The following TEX2 variants were observed in gnomAD, a reference collection of about 807,000 sequenced individuals.
TEX2 encodes testis-expressed protein 2.
Under a neutral mutation model 106.9 loss-of-function variants are expected in TEX2, and 53 were observed. The observed-to-expected ratio is 0.50, with a 90% CI of 0.40 to 0.62. The LOEUF (loss-of-function observed/expected upper bound fraction) is 0.62. Ranked by LOEUF, TEX2 falls within the 20% of genes least tolerant of loss-of-function variation. The probability of loss-of-function intolerance (pLI) is 0.00; values close to 1 mark genes in which losing one functional copy is unlikely to be tolerated. For synonymous variants in TEX2, 523 were observed against 534.8 expected (o/e 0.98, Z 0.30); for missense variants, 1,207 against 1,379.0 (o/e 0.88, Z 1.98).
At chr17:64,188,068 G>A in intron 5 of TEX2, 100 bp downstream of exon 5, 1 of 1,394,498 alleles carries the variant, frequency 7.2e-7, no homozygotes, top group Non-Finnish European at 9.8e-7. Flanking sequence ...GTGTACCACT[G>A]TTATCCCAGT....
intron 1 of TEX2, among the ~76,000 whole-genome samples, chr17:64,232,848 T>C (rs2033687499): frequency 1.3e-5 from 2 of 152,190 alleles, no homozygotes; most frequent in African/African-American, 4.8e-5. Context: ...ATGCTGAAAA[T>C]GGTCCCTGGT....
rs148799749 is a variant in TEX2, at chr17:64,166,219, C to T, written c.2671+4881G>A. On this transcript the variant is annotated intron_variant, in intron 7 of 11. Transcript: ENST00000584379. ...CGGAGAGCAGCAGCTAACACTGATG[C>T]TTACTACGTGCCACGTGCTCCGAGT... 1.9e-3 allele frequency among the ~76,000 whole-genome samples: 287 copies of T among 152,322 alleles called. 1 individual carries two copies. The highest frequency in any genetic ancestry group is 6.7e-3 in the African/African-American group (278 of 41,560).
intron 2 of TEX2, among the ~76,000 whole-genome samples, chr17:64,200,521 A>G (rs942437017): frequency 6.6e-6 from 1 of 152,224 alleles, no homozygotes; most frequent in South Asian, 2.1e-4. Flanking sequence ...TCGCTCACAC[A>G]TGGGCACAGT....
At chr17:64,182,164 T>C (rs2031896702) in intron 5 of TEX2, among the ~76,000 whole-genome samples, 1 of 152,172 alleles carries the variant, frequency 6.6e-6, no homozygotes. Context: ...AAGGCGATTC[T>C]GACTTACGCT....
Position 64,195,065 on chromosome 17 carries a change from G to T in TEX2, c.1675C>A (p.Pro559Thr). 1 of 1,614,092 alleles carries T rather than the reference G, an allele frequency of 6.2e-7. No homozygotes were observed. The highest frequency in any genetic ancestry group is 8.5e-7 in the Non-Finnish European group (1 of 1,179,984). Residue 559 changes from proline (P) to threonine (T), a missense_variant, in exon 3 of 12, where the codon CCA becomes ACA. This residue lies in a region of TEX2 where 1,067 missense variants were observed against 1,193.6 expected (regional missense o/e 0.89). Transcript: ENST00000584379. The surrounding 1 kb of genome is among the most constrained non-coding windows in gnomAD (Gnocchi z 4.1). ...GTCAAAGTCGCATGGTAGGTTTCTG[G>T]ATCATAGTTGTAAATCTCATTCATC... ...GWMNEIYNYD[P>T]ETYHATLTHS...
chr17:64,158,501 T>C (rs1183787147), intron 8 of TEX2, among the ~76,000 whole-genome samples: 1 of 152,200 alleles, frequency 6.6e-6, no homozygotes, highest in Non-Finnish European at 1.5e-5. Context: ...GGAGGTTTAA[T>C]ATTAAGGAAG....
chr17:64,182,468 T>G (rs745931798), intron 5 of TEX2, among the ~76,000 whole-genome samples: 2 of 152,234 alleles, frequency 1.3e-5, no homozygotes, highest in African/African-American at 4.8e-5. Context: ...GCAAACTTTA[T>G]GTATTTTACC....
At chr17:64,149,899 C>G (rs1478831968) in intron 11 of TEX2, 1 of 125,148 alleles carries the variant, frequency 8.0e-6, no homozygotes, top group Non-Finnish European at 1.6e-5. Context: ...GCCTGGGCGA[C>G]ACAGCAAGAC....
intron 7 of TEX2, among the ~76,000 whole-genome samples, chr17:64,168,025 C>G (rs2143708508): frequency 6.6e-6 from 1 of 152,146 alleles, no homozygotes; most frequent in East Asian, 1.9e-4. Context: ...ATTCCTCCAA[C>G]AAACAAGCAC....
chr17:64,253,282 G>T lies in TEX2; in HGVS notation c.-26+9886C>A, dbSNP rs139912119. On this transcript the variant is annotated intron_variant, in intron 1 of 11. Transcript: ENST00000584379. The stretch of plus-strand genomic sequence containing the variant: ...GTCTCCCGAGTAATTGGGACCACAG[G>T]CACAGGCCACCAAACCCAGCTAATT... 2.6e-5 allele frequency among the ~76,000 whole-genome samples: 4 copies of T among 151,190 alleles called. 1 individual carries two copies. Among genetic ancestry groups the T allele is most frequent in the African/African-American group, 7.3e-5 (3 of 41,202 alleles).
intron 1 of TEX2, among the ~76,000 whole-genome samples, chr17:64,249,915 A>C (rs925198435): frequency 3.9e-5 from 6 of 152,168 alleles, no homozygotes; most frequent in African/African-American, 1.4e-4. Flanking sequence ...TTCACTATTA[A>C]CCTACCCCAT....
chr17:64,227,257 G>T (rs1389253726), intron 1 of TEX2, among the ~76,000 whole-genome samples: 1 of 151,004 alleles, frequency 6.6e-6, no homozygotes, highest in African/African-American at 2.4e-5. Context: ...ACATCAATAT[G>T]GGGGCAAAAA....
intron 8 of TEX2, among the ~76,000 whole-genome samples, chr17:64,156,441 C>T (rs1273040999): frequency 5.9e-5 from 9 of 152,184 alleles, no homozygotes; most frequent in South Asian, 2.1e-4. Context: ...TGGGACAGCA[C>T]GTAACTGAGT....
intron 7 of TEX2, among the ~76,000 whole-genome samples, chr17:64,162,884 T>G (rs2030949895): frequency 6.6e-6 from 1 of 152,190 alleles, no homozygotes; most frequent in African/African-American, 2.4e-5. Context: ...CCTCCCTTTT[T>G]CTGCATTCAC....
intron 7 of TEX2, among the ~76,000 whole-genome samples, chr17:64,169,500 T>C (rs534951012): frequency 1.8e-4 from 27 of 152,158 alleles, no homozygotes; most frequent in Non-Finnish European, 4.0e-4. Context: ...GGGTTACAGG[T>C]GAGCTCAACA....
intron 1 of TEX2, 129 bp from the exon 2 acceptor site, chr17:64,214,371 C>T (rs923089893): frequency 1.3e-5 from 10 of 744,104 alleles, no homozygotes; most frequent in Admixed American, 8.8e-5. Context: ...AGATGTCCAC[C>T]GTTTTTCACT....
In TEX2 at chr17:64,185,661, C is replaced by T. The variant is rs1479007960; in HGVS notation, c.2424+2507G>A. 2.6e-5 allele frequency among the ~76,000 whole-genome samples: 4 copies of T among 152,076 alleles called. No homozygotes were observed. The highest frequency in any genetic ancestry group is 3.9e-4 in the East Asian group (2 of 5,194). On this transcript the variant is annotated intron_variant, in intron 5 of 11. Coordinates refer to ENST00000584379, the MANE Select transcript of TEX2 (RefSeq NM_001288732.2). The surrounding 1 kb of genome is among the most constrained non-coding windows in gnomAD (Gnocchi z 4.0). ...ATCAGAGGCCAGGCACAGTGGCTCA[C>T]GCTGTAATTCCACCACTTTGGGAGG...
chr17:64,166,381 A>C (rs1409734858), intron 7 of TEX2, among the ~76,000 whole-genome samples: 1 of 152,240 alleles, frequency 6.6e-6, no homozygotes, highest in Non-Finnish European at 1.5e-5. Context: ...ATGGTGTACG[A>C]GCAGGACCCA....
In TEX2 at chr17:64,185,293, C is replaced by G. The variant is rs1458898549; in HGVS notation, c.2424+2875G>C. Reference sequence around the variant, plus strand: ...ACACCAGAGCCTCACTACTGGAGGACAGGAACCATGGCCTCTCTCCCAGGC... The same window carrying G: ...ACACCAGAGCCTCACTACTGGAGGAGAGGAACCATGGCCTCTCTCCCAGGC... On this transcript the variant is annotated intron_variant, in intron 5 of 11. Coordinates refer to ENST00000584379, the MANE Select transcript of TEX2 (RefSeq NM_001288732.2). The surrounding 1 kb of genome is among the most constrained non-coding windows in gnomAD (Gnocchi z 4.0). 1.3e-5 allele frequency among the ~76,000 whole-genome samples: 2 copies of G among 152,110 alleles called. No homozygotes were observed. The highest frequency in any genetic ancestry group is 2.9e-5 in the Non-Finnish European group (2 of 68,022).
Sources: gnomAD v4.1 joint callset for allele counts (sites outside exome capture counted in the v4.1 genomes callset) on GRCh38, gnomAD v4.1.1 for gene constraint, gnomAD v4.1.1 regional missense constraint, Gnocchi (gnomAD v3.1) non-coding constraint, MANE v1.5 for transcripts, NCBI Gene and HGNC (gene_info 2026-07-23, HGNC 2026-07-21) for gene names.